The following EIF3L variants were observed in gnomAD, a reference collection of about 807,000 sequenced individuals.
EIF3L encodes eIEF associated protein HSPC021.
In EIF3L, 32 loss-of-function variants were observed where a neutral mutation model predicts 74.6. That is an observed-to-expected ratio of 0.43 (90% CI 0.32 to 0.58). The LOEUF is 0.58. EIF3L is among the 20% of genes least tolerant of loss of function. EIF3L has a pLI of 0.06. For synonymous variants in EIF3L, 256 were observed against 254.4 expected (o/e 1.01, Z -0.06); for missense variants, 474 against 707.8 (o/e 0.67, Z 3.75).
At chr22:37,869,317 G>A (rs1458084714) in intron 7 of EIF3L, among the ~76,000 whole-genome samples, 3 of 152,048 alleles carry the variant, frequency 2.0e-5, no homozygotes, top group African/African-American at 2.4e-5. Context: ...TTTTTATAGC[G>A]ATAGGGTTTT....
At chr22:37,855,795 T>A in intron 4 of EIF3L, 151 bp downstream of exon 4, 1 of 590,930 alleles carries the variant, frequency 1.7e-6, no homozygotes. Context: ...AAATAACTTG[T>A]CGAAGGCTGG....
At chr22:37,874,295 G>C (rs370208576) in intron 8 of EIF3L, 75 bp from the exon 9 acceptor site, 4 of 1,507,544 alleles carry the variant, frequency 2.7e-6, no homozygotes, top group East Asian at 2.4e-5. Context: ...GATGCCTACT[G>C]AGTAACATTC....
At chr22:37,870,026 T>A in intron 7 of EIF3L, 150 bp from the exon 8 acceptor site, 1 of 553,314 alleles carries the variant, frequency 1.8e-6, no homozygotes, top group Non-Finnish European at 3.1e-6. Flanking sequence ...TGAAAAACAG[T>A]GTACGGAATG....
In EIF3L at chr22:37,849,434, C is replaced by T. The variant is rs201377482; in HGVS notation, c.-16C>T. The T allele has an allele frequency of 1.8e-3, 2,892 of 1,613,918 alleles. 1 individual carries two copies. Among genetic ancestry groups the T allele is most frequent in the Non-Finnish European group, 2.3e-3 (2,717 of 1,179,920 alleles). Reference sequence around the variant, plus strand: ...TCATTTCGCTCTTTCCGGCGGTGCTCGCAAGCGAGGCAGCCATGTCTTATC... The same window carrying T: ...TCATTTCGCTCTTTCCGGCGGTGCTTGCAAGCGAGGCAGCCATGTCTTATC... On this transcript the variant is annotated 5_prime_UTR_variant, in exon 1 of 13. Coordinates refer to ENST00000652021, the MANE Select transcript of EIF3L (RefSeq NM_016091.4).
Position 37,875,825 on chromosome 22 carries a change from C to G in EIF3L, c.907-16C>G. On this transcript the variant is annotated splice_polypyrimidine_tract_variant and intron_variant, in intron 9 of 12. Transcript: ENST00000652021. ...GAATTGGGACTCATGAATGTTTGTT[C>G]TACCTCCTTCTACAGAGTATGTATT... is the stretch of plus-strand genomic sequence containing the variant. 1 of 1,606,826 alleles carries G rather than the reference C, an allele frequency of 6.2e-7. No homozygotes were observed. Among genetic ancestry groups the G allele is most frequent in the Non-Finnish European group, 8.5e-7 (1 of 1,174,766 alleles).
intron 8 of EIF3L, among the ~76,000 whole-genome samples, chr22:37,870,686 G>T (rs1002931789): frequency 1.3e-5 from 2 of 151,992 alleles, no homozygotes; most frequent in South Asian, 4.1e-4. Context: ...ACCACAAAAT[G>T]TATCTATTTT....
At chr22:37,854,956 AG>A (rs1925422752) in intron 3 of EIF3L, among the ~76,000 whole-genome samples, 1 of 152,022 alleles carries the variant, frequency 6.6e-6, no homozygotes, top group Non-Finnish European at 1.5e-5. Flanking sequence ...AGTGTTTTTT[AG>A]GGGAACTTGA....
chr22:37,874,711 TAAC>T (rs1204869788), intron 9 of EIF3L, among the ~76,000 whole-genome samples, 187 bp downstream of exon 9: 3 of 152,076 alleles, frequency 2.0e-5, no homozygotes, highest in African/African-American at 4.8e-5. Context: ...TTTTGGTAGT[TAAC>T]AACAGTTTTT....
At chr22:37,858,633 C>T (rs772878721) in intron 4 of EIF3L, 46 bp from the exon 5 acceptor site, 22 of 1,559,838 alleles carry the variant, frequency 1.4e-5, no homozygotes, top group Non-Finnish European at 2.6e-6. Context: ...TGCCAGGATA[C>T]CCCAGTTTTA....
intron 11 of EIF3L, chr22:37,885,641 C>CTTTTTT (rs751878447): frequency 7.7e-6 from 1 of 130,020 alleles, no homozygotes; most frequent in Non-Finnish European, 1.6e-5. Flanking sequence ...GGAGCATAAA[C>CTTTTTT]TTTTTTTTTT....
chr22:37,858,760 A>G lies in EIF3L; in HGVS notation c.435+20A>G, dbSNP rs201046854. ...GTCAGTGTAAGTATTTAAGTGTCGC[A>G]GTTTTTTTTTTGTTTTTGTTTTTTT... On this transcript the variant is annotated intron_variant, in intron 5 of 12. Transcript: ENST00000652021. 8.3e-5 allele frequency: 131 copies of G among 1,579,650 alleles called. No homozygotes were observed. Among genetic ancestry groups the G allele is most frequent in the Admixed American group, 2.1e-4 (11 of 52,746 alleles).
rs1362618601 is a variant in EIF3L, at chr22:37,849,997, G to C, written c.34-18G>C. ...CACGACTTGGCGGCTGTCCTTGACT[G>C]TGTCTCTTTCCTTCTAGGCGGCTTA... On this transcript the variant is annotated intron_variant, in intron 1 of 12. Coordinates refer to ENST00000652021, the MANE Select transcript of EIF3L (RefSeq NM_016091.4). 2.5e-6 allele frequency: 4 copies of C among 1,613,632 alleles called. No individual in the cohort carries two copies. Among genetic ancestry groups the C allele is most frequent in the East Asian group, 2.2e-5 (1 of 44,832 alleles).
chr22:37,887,746 G>A (rs1927396953), intron 12 of EIF3L: 1 of 152,354 alleles, frequency 6.6e-6, no homozygotes, highest in Non-Finnish European at 1.5e-5. Flanking sequence ...CCTAATATGG[G>A]TGGATTCACT....
chr22:37,879,357 TG>T (rs1926925263), intron 11 of EIF3L: 1 of 152,158 alleles, frequency 6.6e-6, no homozygotes, highest in Non-Finnish European at 1.5e-5. Context: ...TAGCTGGGCA[TG>T]GTGGCGCATA....
At chr22:37,880,973 T>C (rs559183218) in intron 11 of EIF3L, 1 of 152,388 alleles carries the variant, frequency 6.6e-6, no homozygotes, top group East Asian at 1.9e-4. Context: ...GCTGTTGTTA[T>C]TGTACTGCAG....
At chr22:37,862,350 G>A (rs377721947) in intron 5 of EIF3L, among the ~76,000 whole-genome samples, 1 of 152,082 alleles carries the variant, frequency 6.6e-6, no homozygotes, top group Non-Finnish European at 1.5e-5. Context: ...CCAGACCAGG[G>A]GTCAGCCACC....
intron 5 of EIF3L, among the ~76,000 whole-genome samples, chr22:37,859,412 C>T (rs1925729706): frequency 2.6e-5 from 3 of 115,638 alleles, no homozygotes; most frequent in Non-Finnish European, 4.9e-5. Flanking sequence ...GAGTGAGTCT[C>T]GCTCTGTCGC....
chr22:37,865,248 G>A (rs549946482), intron 7 of EIF3L, among the ~76,000 whole-genome samples: 2 of 151,886 alleles, frequency 1.3e-5, no homozygotes, highest in African/African-American at 4.8e-5. Flanking sequence ...GGCAGATCAC[G>A]AGGTCTGGAG....
At position 37,878,179 on chromosome 22, in the gene EIF3L, T is replaced by C. The variant is rs761778286; in HGVS notation, c.1575+8T>C. The C allele has an allele frequency of 6.9e-6, 11 of 1,590,342 alleles. No homozygotes were observed. In the South Asian group the frequency reaches 1.1e-4, roughly 16 times the overall value. ...GACTTCTACATTGATAAGGTATGCCTGTCCCCTGGGCTTGGGGTCTTGTAT... is the reference window on the plus strand; with the variant it reads ...GACTTCTACATTGATAAGGTATGCCCGTCCCCTGGGCTTGGGGTCTTGTAT... On this transcript the variant is annotated splice_region_variant and intron_variant, in intron 11 of 12. Transcript: ENST00000652021.
Sources: gnomAD v4.1 joint callset for allele counts (sites outside exome capture counted in the v4.1 genomes callset) on GRCh38, gnomAD v4.1.1 for gene constraint, MANE v1.5 for transcripts, NCBI Gene and HGNC (gene_info 2026-07-23, HGNC 2026-07-21) for gene names.